SNX15: variants seen among roughly 807,000 people sequenced by gnomAD.
The protein encoded by SNX15 is sorting nexin 15.
Under a neutral mutation model 35.2 loss-of-function variants are expected in SNX15, and 29 were observed. The ratio of observed to expected loss-of-function variants is 0.82; its 90% CI spans 0.61 to 1.12. SNX15 has a LOEUF of 1.12. Ranked by LOEUF, SNX15 falls within the 50% of genes most tolerant of loss-of-function variation. The pLI, the probability that SNX15 is intolerant of heterozygous loss-of-function variation, is 0.00. For synonymous variants in SNX15, 189 were observed against 188.2 expected (o/e 1.00, Z -0.03); for missense variants, 400 against 451.5 (o/e 0.89, Z 1.03).
intron 1 of SNX15, 121 bp downstream of exon 1, chr11:65,027,757 A>C (rs1946390567): frequency 1.4e-6 from 1 of 733,972 alleles, no homozygotes; most frequent in South Asian, 1.6e-5. Flanking sequence ...TTTCCCCTTT[A>C]AGGGGAGGTT....
At position 65,038,616 on chromosome 11, in the gene SNX15, A is replaced by G; in HGVS notation, c.709A>G (p.Met237Val). 6.3e-7 allele frequency: 1 copy of G among 1,599,300 alleles called. No individual in the cohort carries two copies. Among genetic ancestry groups the G allele is most frequent in the Non-Finnish European group, 8.5e-7 (1 of 1,172,138 alleles). ...CACCCATGTGGCTGAGCTGGCAACGATGGAGGTGGAGTCTGCAAGGCTGGA... is the reference window on the plus strand; with the variant it reads ...CACCCATGTGGCTGAGCTGGCAACGGTGGAGGTGGAGTCTGCAAGGCTGGA... ...SPTHVAELAT[M>V]EVESARLDQE... Residue 237 changes from methionine to valine, a missense_variant, in exon 7 of 8, where the codon ATG becomes GTG. Physicochemically the swap from Met to Val is conservative, Grantham distance 21. Transcript: ENST00000377244.
chr11:65,035,425 CA>C, intron 5 of SNX15, 94 bp from the exon 6 acceptor site: 1 of 1,396,708 alleles, frequency 7.2e-7, no homozygotes, highest in South Asian at 1.4e-5. Context: ...TGTCTATGCC[CA>C]TGGTTGCTGC....
At chr11:65,035,412 G>A (rs1401673507) in intron 5 of SNX15, 108 bp from the exon 6 acceptor site, 3 of 1,344,008 alleles carry the variant, frequency 2.2e-6, no homozygotes, top group East Asian at 4.7e-5. Flanking sequence ...CTAATAACAG[G>A]CTTGTCTATG....
chr11:65,040,350 C>T lies in SNX15; in HGVS notation c.*558C>T, dbSNP rs1454901411. ...TGAGCAGCAGCTGTGGTCATTAAAC[C>T]ATTAGTTTACCCCTCTAGAACTGGG... On this transcript the variant is annotated 3_prime_UTR_variant, in exon 8 of 8. Coordinates refer to ENST00000377244, the MANE Select transcript of SNX15 (RefSeq NM_013306.5). The T allele has an allele frequency of 2.0e-5, 3 of 152,342 alleles. No individual in the cohort carries two copies. Among genetic ancestry groups the T allele is most frequent in the East Asian group, 3.9e-4 (2 of 5,194 alleles). 9.4% of individuals were successfully genotyped at this position (152,342 alleles called of 1,614,324 possible).
In SNX15 at chr11:65,035,149, C is replaced by T. The variant is rs558343653; in HGVS notation, c.463C>T (p.Arg155Trp). Reference protein sequence around the residue: ...LIPTPPPDDPRLSQLLPAERR... With the variant: ...LIPTPPPDDPWLSQLLPAERR... Reference sequence around the variant, plus strand: ...CCCCACCCCGCCCCCTGATGACCCCCGGCTATCCCAACTGCTCCCTGCAGA... The same window carrying T: ...CCCCACCCCGCCCCCTGATGACCCCTGGCTATCCCAACTGCTCCCTGCAGA... The change falls in exon 5 of 8, where the codon CGG becomes TGG. Residue 155 changes from arginine (R) to tryptophan (W), a missense_variant. Physicochemically the swap from Arg to Trp is moderately radical, Grantham distance 101. Transcript: ENST00000377244. 5.0e-6 allele frequency: 8 copies of T among 1,591,004 alleles called. No individual in the cohort carries two copies. The highest frequency in any genetic ancestry group is 1.8e-4 in the Middle Eastern group (1 of 5,624).
rs750142269 is a variant in SNX15, at chr11:65,035,551, G to A, written c.552G>A (p.Glu184=). Residue 184 remains glutamate, a synonymous_variant, in exon 6 of 8, where the codon GAG becomes GAA. Coordinates refer to ENST00000377244, the MANE Select transcript of SNX15 (RefSeq NM_013306.5). ...VDPPPSSPAQ[E]ALDLLFNCES... ...CCCCACCATCCAGCCCTGCCCAGGA[G>A]GCCCTGGATCTCCTCTTTAACTGTG... 1.7e-5 allele frequency: 27 copies of A among 1,613,192 alleles called. No individual in the cohort carries two copies. In the Admixed American group the frequency reaches 3.8e-4, roughly 23 times the overall value.
intron 5 of SNX15, 101 bp downstream of exon 5, chr11:65,035,307 TC>T: frequency 7.6e-7 from 1 of 1,310,612 alleles, no homozygotes; most frequent in Non-Finnish European, 1.0e-6. Flanking sequence ...TGTGTGTGTG[TC>T]CCAGGTCTAT....
chr11:65,027,674 T>C (rs747267845), intron 1 of SNX15, 38 bp downstream of exon 1: 1 of 1,479,424 alleles, frequency 6.8e-7, no homozygotes, highest in East Asian at 2.3e-5. Flanking sequence ...CCCTTTTAAC[T>C]AGAGGGGCGC....
Position 65,027,523 on chromosome 11 carries a change from C to T in SNX15, c.-15C>T. On this transcript the variant is annotated 5_prime_UTR_variant, in exon 1 of 8. Transcript: ENST00000377244. ...AGGTGGAGGCCGGCGCTCCGCTCCGCTCCAGCTCGGTTTCATGTCCCGCCA... is the reference window on the plus strand; with the variant it reads ...AGGTGGAGGCCGGCGCTCCGCTCCGTTCCAGCTCGGTTTCATGTCCCGCCA... The T allele has an allele frequency of 6.2e-7, 1 of 1,612,018 alleles. No homozygotes were observed. Among genetic ancestry groups the T allele is most frequent in the Non-Finnish European group, 8.5e-7 (1 of 1,178,502 alleles).
chr11:65,032,171 A>G lies in SNX15; in HGVS notation c.103A>G (p.Ile35Val), dbSNP rs1193115129. ...YTEYKVTAQF[I>V]SKKDPEDVKE... is the part of the protein sequence containing the mutation. Reference sequence around the variant, plus strand: ...AGCTCTTGCCTTTCTTTCTCAGTTCATCTCAAAGAAGGACCCAGAGGATGT... The same window carrying G: ...AGCTCTTGCCTTTCTTTCTCAGTTCGTCTCAAAGAAGGACCCAGAGGATGT... The change falls in exon 2 of 8, where the codon ATC becomes GTC. Residue 35 changes from isoleucine (I) to valine (V), a missense_variant. Coordinates refer to ENST00000377244, the MANE Select transcript of SNX15 (RefSeq NM_013306.5). 1.9e-6 allele frequency: 3 copies of G among 1,614,170 alleles called. No individual in the cohort carries two copies. Among genetic ancestry groups the G allele is most frequent in the South Asian group, 1.1e-5 (1 of 91,088 alleles).
At position 65,039,523 on chromosome 11, in the gene SNX15, G is replaced by C. The variant is rs543370730; in HGVS notation, c.923-163G>C. ...AGGCGTGAGCCACCGCGCCCAGCAT[G>C]GCCTCAGTTTTCTTATTTGTAGACT... On this transcript the variant is annotated intron_variant, in intron 7 of 7. Coordinates refer to ENST00000377244, the MANE Select transcript of SNX15 (RefSeq NM_013306.5). 4.6e-5 allele frequency among the ~76,000 whole-genome samples: 7 copies of C among 152,240 alleles called. No homozygotes were observed. The East Asian group carries it at 1.4e-3, about 29-fold the overall frequency.
chr11:65,032,738 T>C (rs1946455311), intron 3 of SNX15, among the ~76,000 whole-genome samples, 187 bp downstream of exon 3: 2 of 152,340 alleles, frequency 1.3e-5, no homozygotes, highest in Non-Finnish European at 2.9e-5. Flanking sequence ...TAACCCTTAC[T>C]GTGTATTTCA....
chr11:65,036,006 T>A (rs2136937422), intron 6 of SNX15: 1 of 207,812 alleles, frequency 4.8e-6, no homozygotes, highest in Non-Finnish European at 9.5e-6. Flanking sequence ...TTGGTGGGAT[T>A]TCCTGACTGG....
intron 5 of SNX15, 127 bp from the exon 6 acceptor site, chr11:65,035,393 G>C: frequency 7.7e-7 from 1 of 1,298,558 alleles, no homozygotes; most frequent in Non-Finnish European, 1.1e-6. Context: ...TGTAAAATGA[G>C]CACAAACCCT....
intron 1 of SNX15, 146 bp downstream of exon 1, chr11:65,027,782 A>C: frequency 1.6e-6 from 1 of 615,438 alleles, no homozygotes; most frequent in Non-Finnish European, 2.8e-6. Flanking sequence ...TACGAGGCTT[A>C]GTTTACATCT....
chr11:65,038,469 G>A (rs537323925), intron 6 of SNX15, 103 bp from the exon 7 acceptor site: 14 of 1,420,016 alleles, frequency 9.9e-6, no homozygotes, highest in Non-Finnish European at 1.3e-5. Flanking sequence ...CCTCTACTGG[G>A]GACAGGCTGA....
intron 1 of SNX15, among the ~76,000 whole-genome samples, chr11:65,030,656 G>A (rs1474356501): frequency 1.3e-5 from 2 of 150,816 alleles, no homozygotes; most frequent in Middle Eastern, 3.3e-3. Context: ...TTGCCACCAC[G>A]CCTGGCTAAT....
In SNX15 at chr11:65,034,871, A is replaced by T; in HGVS notation, c.281A>T (p.Glu94Val). The T allele has an allele frequency of 6.2e-7, 1 of 1,614,020 alleles. No homozygotes were observed. Among genetic ancestry groups the T allele is most frequent in the Non-Finnish European group, 8.5e-7 (1 of 1,179,926 alleles). ...GGCCGGTTTGAAGCCTCAGTGATCGAGGAGCGGCGAAAGGGGGCAGAGGAC... is the reference window on the plus strand; with the variant it reads ...GGCCGGTTTGAAGCCTCAGTGATCGTGGAGCGGCGAAAGGGGGCAGAGGAC... The part of the protein sequence containing the change: ...VFGRFEASVI[E>V]ERRKGAEDLL... Residue 94 changes from glutamate (E) to valine (V), a missense_variant, in exon 4 of 8, where the codon GAG (glutamate) becomes GTG (valine). Transcript: ENST00000377244.
chr11:65,031,436 C>T (rs914027072), intron 1 of SNX15, among the ~76,000 whole-genome samples: 2 of 152,254 alleles, frequency 1.3e-5, no homozygotes, highest in African/African-American at 4.8e-5. Context: ...CCCAAGTCTG[C>T]CCTTCCAGGG....
Sources: gnomAD v4.1 joint callset for allele counts (sites outside exome capture counted in the v4.1 genomes callset) on GRCh38, gnomAD v4.1.1 for gene constraint, MANE v1.5 for transcripts, NCBI Gene and HGNC (gene_info 2026-07-23, HGNC 2026-07-21) for gene names.